EPC1: variants seen among roughly 807,000 people sequenced by gnomAD.
EPC1 encodes enhancer of polycomb homolog 1.
Under a neutral mutation model 98.4 loss-of-function variants are expected in EPC1, and 12 were observed. The ratio of observed to expected loss-of-function variants is 0.12; its 90% CI spans 0.08 to 0.20. EPC1 has a LOEUF of 0.20. Ranked by LOEUF, EPC1 falls within the 10% of genes least tolerant of loss-of-function variation. EPC1 has a pLI of 1.00. For synonymous variants in EPC1, 357 were observed against 363.9 expected (o/e 0.98, Z 0.21); for missense variants, 729 against 990.5 (o/e 0.74, Z 3.54).
At chr10:32,353,100 A>G (rs984162328) in intron 1 of EPC1, among the ~76,000 whole-genome samples, 8 of 151,220 alleles carry the variant, frequency 5.3e-5, no homozygotes, top group Admixed American at 2.0e-4. Context: ...GGTTGCAATG[A>G]GCCAAGATCG....
chr10:32,314,329 G>C (rs1461926363), intron 1 of EPC1, among the ~76,000 whole-genome samples: 2 of 152,084 alleles, frequency 1.3e-5, no homozygotes, highest in East Asian at 1.9e-4. Flanking sequence ...ACAATCTTTA[G>C]AAAGTTCAGA....
At chr10:32,343,392 GTA>G (rs1297517434) in intron 1 of EPC1, among the ~76,000 whole-genome samples, 1 of 152,052 alleles carries the variant, frequency 6.6e-6, no homozygotes, top group Non-Finnish European at 1.5e-5. Context: ...TGTATTTTTA[GTA>G]GAGACAGGGT....
intron 1 of EPC1, 102 bp downstream of exon 1, chr10:32,346,661 G>A (rs1838844294): frequency 1.7e-6 from 2 of 1,159,838 alleles, no homozygotes; most frequent in Admixed American, 2.0e-5. Flanking sequence ...GCGGCGAAGA[G>A]AAGATGGCGG....
chr10:32,302,862 G>C lies in EPC1; in HGVS notation c.313+2910C>G, dbSNP rs144298614. 4.1e-3 allele frequency among the ~76,000 whole-genome samples: 625 copies of C among 152,240 alleles called. 7 individuals are homozygous for C. The highest frequency in any genetic ancestry group is 0.014 in the African/African-American group (593 of 41,528). On this transcript the variant is annotated intron_variant, in intron 2 of 13. Transcript: ENST00000319778. ...ATAGTGCAACCCCCAGTGCTAGAGA[G>C]ATATGGAGAAACTGGGTAATATACA... is the stretch of plus-strand genomic sequence containing the variant.
intron 1 of EPC1, among the ~76,000 whole-genome samples, chr10:32,341,342 T>TGTGTGTGTGG (rs55774535): frequency 1.3e-5 from 2 of 152,004 alleles, no homozygotes; most frequent in Non-Finnish European, 2.9e-5. Context: ...TGTGTGTGTG[T>TGTGTGTGTGG]ATAGATTCTA....
At chr10:32,304,812 G>A (rs1335781042) in intron 2 of EPC1, among the ~76,000 whole-genome samples, 7 of 151,682 alleles carry the variant, frequency 4.6e-5, no homozygotes, top group East Asian at 1.9e-4. Context: ...CCAACTACTC[G>A]GGAGGCTGAG....
intron 2 of EPC1, among the ~76,000 whole-genome samples, chr10:32,298,716 G>A (rs1488181490): frequency 6.6e-6 from 1 of 152,148 alleles, no homozygotes; most frequent in Non-Finnish European, 1.5e-5. Flanking sequence ...CTTAGGGAGC[G>A]AAAATGGTGA....
upstream of EPC1, among the ~76,000 whole-genome samples, chr10:32,349,074 C>T (rs1337841027): frequency 6.6e-6 from 1 of 152,190 alleles, no homozygotes; most frequent in Non-Finnish European, 1.5e-5. Flanking sequence ...GCCAACTTCA[C>T]TGTGGAATGA....
intron 1 of EPC1, among the ~76,000 whole-genome samples, chr10:32,371,518 G>A (rs1483915374): frequency 2.0e-5 from 3 of 152,092 alleles, no homozygotes; most frequent in South Asian, 2.1e-4. Context: ...TAAAGTATGC[G>A]TGCTATTTTA....
chr10:32,361,632 C>G (rs148918253), intron 1 of EPC1, among the ~76,000 whole-genome samples: 19 of 152,088 alleles, frequency 1.2e-4, no homozygotes, highest in South Asian at 4.1e-4. Context: ...CCAGACACCC[C>G]CTATGGGGCA....
At chr10:32,279,478 A>C (rs377594137) in intron 10 of EPC1, among the ~76,000 whole-genome samples, 40 of 152,326 alleles carry the variant, frequency 2.6e-4, no homozygotes, top group African/African-American at 9.6e-4. Context: ...CCACAGTAGG[A>C]TTAAGATGTT....
intron 1 of EPC1, among the ~76,000 whole-genome samples, chr10:32,320,046 A>G (rs1836801926): frequency 6.6e-6 from 1 of 152,168 alleles, no homozygotes; most frequent in African/African-American, 2.4e-5. Flanking sequence ...TGGGAAAAAC[A>G]TATGTGTGTA....
chr10:32,273,222 GCTGTTTCTGCATGAGT>G lies in EPC1; in HGVS notation c.1788_1803del (p.Leu597SerfsTer40). 1 of 1,613,636 alleles carries G rather than the reference GCTGTTTCTGCATGAGT, an allele frequency of 6.2e-7. No homozygotes were observed. Among genetic ancestry groups the G allele is most frequent in the Non-Finnish European group, 8.5e-7 (1 of 1,179,512 alleles). On this transcript the variant is annotated frameshift_variant, in exon 11 of 14. Coordinates refer to ENST00000319778, the MANE Select transcript of EPC1 (RefSeq NM_001272004.3). LOFTEE classifies it high-confidence loss of function. ...TGCTGTTGCTGAATTTGTGCAAGCTGCTGTTTCTGCATGAGTGCCAGTTGCTGTTGATGTTGCTGGT... is the reference window on the plus strand; with the variant it reads ...TGCTGTTGCTGAATTTGTGCAAGCTGGCCAGTTGCTGTTGATGTTGCTGGT...
intron 1 of EPC1, among the ~76,000 whole-genome samples, chr10:32,337,425 G>A (rs1838045240): frequency 6.6e-6 from 1 of 152,134 alleles, no homozygotes; most frequent in African/African-American, 2.4e-5. Flanking sequence ...ACACTCGAAG[G>A]GACACCCTGT....
At chr10:32,367,687 G>T (rs2133115979) in intron 1 of EPC1, among the ~76,000 whole-genome samples, 1 of 152,224 alleles carries the variant, frequency 6.6e-6, no homozygotes, top group African/African-American at 2.4e-5. Flanking sequence ...ATAAAGGTGT[G>T]TTTTCCAATT....
chr10:32,341,041 G>A (rs2133031979), intron 1 of EPC1, among the ~76,000 whole-genome samples: 1 of 152,114 alleles, frequency 6.6e-6, no homozygotes, highest in Non-Finnish European at 1.5e-5. Context: ...TTTGCCCTTA[G>A]ACACGCTCAA....
intron 1 of EPC1, among the ~76,000 whole-genome samples, chr10:32,307,431 CTT>C (rs953043507): frequency 5.9e-5 from 9 of 152,184 alleles, no homozygotes; most frequent in African/African-American, 2.2e-4. Flanking sequence ...GTTTAAAACT[CTT>C]TGCCCTTCTT....
chr10:32,340,945 T>A (rs1372819025), intron 1 of EPC1, among the ~76,000 whole-genome samples: 5 of 152,212 alleles, frequency 3.3e-5, no homozygotes, highest in African/African-American at 1.2e-4. Context: ...TCAATGCAAG[T>A]CACACTTCAG....
chr10:32,371,249 T>C (rs1487127238), intron 1 of EPC1, among the ~76,000 whole-genome samples: 1 of 152,182 alleles, frequency 6.6e-6, no homozygotes, highest in Non-Finnish European at 1.5e-5. Flanking sequence ...GTGACCTCTA[T>C]CTTGGAGGAT....
Sources: allele counts gnomAD v4.1 joint callset (sites outside exome capture counted in the v4.1 genomes callset), GRCh38; gene constraint gnomAD v4.1.1; transcripts MANE v1.5; gene names NCBI Gene and HGNC (gene_info 2026-07-23, HGNC 2026-07-21).